The following SLC39A12 variants were observed in gnomAD, a reference collection of about 807,000 sequenced individuals.
The protein encoded by SLC39A12 is zinc transporter ZIP12.
SLC39A12 carries 63 observed loss-of-function variants against 71.1 expected under a neutral mutation model. The ratio of observed to expected loss-of-function variants is 0.89; its 90% CI spans 0.72 to 1.09. The LOEUF (loss-of-function observed/expected upper bound fraction) is 1.09, where lower values mean the gene tolerates loss of function less well. Ranked by LOEUF, SLC39A12 falls within the 50% of genes least tolerant of loss-of-function variation. SLC39A12 has a pLI of 0.00. For synonymous variants in SLC39A12, 351 were observed against 301.3 expected, an observed-to-expected ratio of 1.16 and a Z score of -1.71; for missense variants, 892 against 812.6, an observed-to-expected ratio of 1.10 and a Z score of -1.19.
rs535175630 is a variant in SLC39A12, at chr10:17,962,392, CA to C, written c.543+533del. On this transcript the variant is annotated intron_variant, in intron 3 of 12. Coordinates refer to ENST00000377369, the MANE Select transcript of SLC39A12 (RefSeq NM_001145195.2). ...GTGCTGCCTGTGTAGAGGATCCATT[CA>C]AATGCCTCTCCTCTCTCCCAGCTCC... Among the ~76,000 whole-genome samples, 8 of 152,254 alleles carry C rather than the reference CA, an allele frequency of 5.3e-5. No individual in the cohort carries two copies. In the South Asian group the frequency reaches 1.7e-3, roughly 32 times the overall value.
At position 17,991,291 on chromosome 10, in the gene SLC39A12, A is replaced by G; in HGVS notation, c.1410A>G (p.Ser470=). The G allele has an allele frequency of 1.3e-6, 2 of 1,581,782 alleles. No homozygotes were observed. The highest frequency in any genetic ancestry group is 1.2e-5 in the South Asian group (1 of 83,272). The change falls in exon 8 of 13, where the codon TCA becomes TCG. Residue 470 remains serine (S), a synonymous_variant. Transcript: ENST00000377369. ...AAAAATGTTTTATTCTTCTTGTATCACCAAATGACAAGGTATATTTTTAAG... is the reference window on the plus strand; with the variant it reads ...AAAAATGTTTTATTCTTCTTGTATCGCCAAATGACAAGGTATATTTTTAAG... ...LIEKCFILLV[S]PNDKQGLSLV...
intron 10 of SLC39A12, among the ~76,000 whole-genome samples, chr10:17,999,109 C>A (rs1403524486): frequency 6.6e-6 from 1 of 151,742 alleles, no homozygotes; most frequent in East Asian, 1.9e-4. Context: ...CCAGCCTGAC[C>A]ATGTGGTGAA....
At chr10:17,976,111 A>G (rs1210766595) in intron 4 of SLC39A12, among the ~76,000 whole-genome samples, 1 of 152,146 alleles carries the variant, frequency 6.6e-6, no homozygotes, top group Non-Finnish European at 1.5e-5. Context: ...TTTCAGTAAT[A>G]TGAAGTTAAA....
intron 9 of SLC39A12, among the ~76,000 whole-genome samples, chr10:17,995,143 A>G (rs1388673147): frequency 3.9e-5 from 6 of 152,174 alleles, no homozygotes; most frequent in African/African-American, 1.4e-4. Context: ...AATGGGCAAG[A>G]TTCTTTTACT....
intron 7 of SLC39A12, among the ~76,000 whole-genome samples, chr10:17,988,849 C>G (rs1835470827): frequency 6.6e-6 from 1 of 152,336 alleles, no homozygotes; most frequent in Middle Eastern, 3.4e-3. Flanking sequence ...TCCCTTTTCC[C>G]TTTCACCCCT....
rs1299850953 is a variant in SLC39A12, at chr10:17,986,578, G to T, written c.1097-901G>T. ...TATATGTTCTAATCACCTCCCAAAG[G>T]CCTCACTTCCTAATACCACCCACCA... On this transcript the variant is annotated intron_variant, in intron 6 of 12. Transcript: ENST00000377369. Among the ~76,000 whole-genome samples the T allele has an allele frequency of 2.0e-5, 3 of 152,154 alleles. No homozygotes were observed. The South Asian group carries it at 6.2e-4, about 32-fold the overall frequency.
chr10:17,974,701 C>A (rs1835061401), intron 4 of SLC39A12, among the ~76,000 whole-genome samples: 1 of 152,170 alleles, frequency 6.6e-6, no homozygotes, highest in Non-Finnish European at 1.5e-5. Context: ...ACCACTATGA[C>A]CACACTGGGT....
In SLC39A12 at chr10:17,989,268, G is replaced by A. The variant is rs1220892631; in HGVS notation, c.1269+1617G>A. Among the ~76,000 whole-genome samples the A allele has an allele frequency of 4.6e-5, 7 of 152,286 alleles. No individual in the cohort carries two copies. In the South Asian group the frequency reaches 1.2e-3, roughly 27 times the overall value. On this transcript the variant is annotated intron_variant, in intron 7 of 12. Transcript: ENST00000377369. The stretch of plus-strand genomic sequence containing the variant: ...CCTGCAGGGTCACTCTTGTTGCTTC[G>A]AGGCTCAATTGTTATTCAATGTTCT...
intron 2 of SLC39A12, among the ~76,000 whole-genome samples, chr10:17,961,014 T>C (rs902838586): frequency 6.6e-6 from 1 of 152,106 alleles, no homozygotes; most frequent in Non-Finnish European, 1.5e-5. Flanking sequence ...CTTGTATTTC[T>C]ATCAGATAGT....
At position 17,995,713 on chromosome 10, in the gene SLC39A12, A is replaced by T. The variant is rs371184254; in HGVS notation, c.1591A>T (p.Asn531Tyr). ...GCCTATAGGCAGTATGACAGCCTCC[A>T]ACAGAAAATGTGAGTACCAAGCTAA... Reference protein sequence around the residue: ...EMPIGSMTASNRKCKAISLLA... With the variant: ...EMPIGSMTASYRKCKAISLLA... The change falls in exon 10 of 13, where the codon AAC (asparagine) becomes TAC (tyrosine). Residue 531 changes from asparagine to tyrosine, a missense_variant. Coordinates refer to ENST00000377369, the MANE Select transcript of SLC39A12 (RefSeq NM_001145195.2). The T allele has an allele frequency of 1.9e-6, 3 of 1,613,016 alleles. No homozygotes were observed. The highest frequency in any genetic ancestry group is 2.5e-6 in the Non-Finnish European group (3 of 1,179,592).
At chr10:18,015,966 C>T (rs1836368920) in intron 12 of SLC39A12, among the ~76,000 whole-genome samples, 1 of 152,148 alleles carries the variant, frequency 6.6e-6, no homozygotes, top group Non-Finnish European at 1.5e-5. Flanking sequence ...TGTCCCCACA[C>T]ATGCACAACC....
chr10:17,994,955 G>T (rs563567774), intron 9 of SLC39A12, among the ~76,000 whole-genome samples: 4 of 138,732 alleles, frequency 2.9e-5, no homozygotes, highest in African/African-American at 7.4e-5. Context: ...AATCAGAGGC[G>T]CCAAGACGGA....
At chr10:18,016,249 T>C (rs566621928) in intron 12 of SLC39A12, among the ~76,000 whole-genome samples, 11 of 152,344 alleles carry the variant, frequency 7.2e-5, no homozygotes, top group African/African-American at 2.6e-4. Context: ...ACTGTCTTCA[T>C]GGTTTTGTCT....
intron 5 of SLC39A12, among the ~76,000 whole-genome samples, chr10:17,978,612 C>A (rs773799667): frequency 6.6e-6 from 1 of 152,132 alleles, no homozygotes; most frequent in Non-Finnish European, 1.5e-5. Flanking sequence ...AGAACAAATA[C>A]GGTCTCTTCA....
intron 12 of SLC39A12, among the ~76,000 whole-genome samples, chr10:18,026,750 T>C (rs1010498305): frequency 2.0e-5 from 3 of 152,116 alleles, no homozygotes; most frequent in African/African-American, 7.2e-5. Flanking sequence ...TTCAAGTTTG[T>C]TTTGTAAAAT....
At chr10:17,957,213 T>C (rs1403634162) in intron 2 of SLC39A12, among the ~76,000 whole-genome samples, 1 of 152,148 alleles carries the variant, frequency 6.6e-6, no homozygotes, top group African/African-American at 2.4e-5. Context: ...TACCAAGTTG[T>C]TTTTTGTCAG....
intron 12 of SLC39A12, among the ~76,000 whole-genome samples, chr10:18,036,794 ATT>A (rs746691202): frequency 5.1e-4 from 47 of 92,842 alleles, no homozygotes; most frequent in East Asian, 8.8e-4. Flanking sequence ...ATATATATAT[ATT>A]TTTTTTTTTA....
intron 12 of SLC39A12, among the ~76,000 whole-genome samples, chr10:18,028,846 A>G (rs1388812661): frequency 6.6e-6 from 1 of 151,828 alleles, no homozygotes; most frequent in Non-Finnish European, 1.5e-5. Flanking sequence ...CAGCCTCCCG[A>G]GTAGCTAGGA....
chr10:18,040,517 C>T (rs1837193015), intron 12 of SLC39A12, among the ~76,000 whole-genome samples: 1 of 152,094 alleles, frequency 6.6e-6, no homozygotes, highest in Non-Finnish European at 1.5e-5. Context: ...TGCCTGTAAT[C>T]CCAGCACTTT....
Sources: allele counts gnomAD v4.1 joint callset (sites outside exome capture counted in the v4.1 genomes callset), GRCh38; gene constraint gnomAD v4.1.1; transcripts MANE v1.5; gene names NCBI Gene and HGNC (gene_info 2026-07-23, HGNC 2026-07-21).